CHST11: variants seen among roughly 807,000 people sequenced by gnomAD.
The protein encoded by CHST11 is carbohydrate sulfotransferase 11, also known as C4S-1.
CHST11 carries 9 observed loss-of-function variants against 30.4 expected under a neutral mutation model. The observed-to-expected ratio is 0.30, with a 90% confidence interval of 0.18 to 0.52. CHST11 has a LOEUF of 0.52. Ranked by LOEUF, CHST11 falls within the 20% of genes least tolerant of loss-of-function variation. The pLI is 0.97. For synonymous variants in CHST11, 152 were observed against 187.8 expected (o/e 0.81, Z 1.56); for missense variants, 348 against 460.6 (o/e 0.76, Z 2.24).
At chr12:104,734,369 G>T (rs1459597841) in intron 2 of CHST11, among the ~76,000 whole-genome samples, 1 of 152,156 alleles carries the variant, frequency 6.6e-6, no homozygotes, top group African/African-American at 2.4e-5. Flanking sequence ...CAGCAGTTCC[G>T]GGCCCTGTGT....
intron 2 of CHST11, among the ~76,000 whole-genome samples, chr12:104,700,292 TA>T (rs1244246098): frequency 6.6e-6 from 1 of 152,168 alleles, no homozygotes; most frequent in Non-Finnish European, 1.5e-5. Context: ...ATAAAATTTT[TA>T]AACTACCAAA....
At chr12:104,715,326 A>T (rs1461753876) in intron 2 of CHST11, among the ~76,000 whole-genome samples, 1 of 152,214 alleles carries the variant, frequency 6.6e-6, no homozygotes, top group Non-Finnish European at 1.5e-5. Context: ...GTGAGCCGAG[A>T]TCATGCCACG....
At chr12:104,748,101 C>T (rs993976215) in intron 2 of CHST11, among the ~76,000 whole-genome samples, 3 of 152,166 alleles carry the variant, frequency 2.0e-5, no homozygotes, top group African/African-American at 7.2e-5. Flanking sequence ...AATCAGCCCT[C>T]CTCTGACCTA....
At chr12:104,678,958 T>G (rs2039767814) in intron 2 of CHST11, among the ~76,000 whole-genome samples, 1 of 152,180 alleles carries the variant, frequency 6.6e-6, no homozygotes, top group Non-Finnish European at 1.5e-5. Context: ...TTTCTCCCGC[T>G]CTAGCTCACA....
At chr12:104,575,257 C>T (rs951013760) in intron 1 of CHST11, among the ~76,000 whole-genome samples, 4 of 151,722 alleles carry the variant, frequency 2.6e-5, no homozygotes, top group Admixed American at 2.6e-4. Context: ...CCCAGGGTGA[C>T]GGGGCTTTGT....
intron 2 of CHST11, among the ~76,000 whole-genome samples, chr12:104,618,666 G>T (rs181033782): frequency 6.6e-6 from 1 of 152,244 alleles, no homozygotes; most frequent in African/African-American, 2.4e-5. Flanking sequence ...CTTTTGCCCA[G>T]TGACTTTCTT....
intron 2 of CHST11, among the ~76,000 whole-genome samples, chr12:104,734,229 T>A (rs573619017): frequency 6.6e-6 from 1 of 152,362 alleles, no homozygotes; most frequent in African/African-American, 2.4e-5. Flanking sequence ...TTTTCTTATT[T>A]AAAAATTTTA....
At chr12:104,540,892 CT>C (rs1460775632) in intron 1 of CHST11, among the ~76,000 whole-genome samples, 1 of 152,254 alleles carries the variant, frequency 6.6e-6, no homozygotes, top group East Asian at 1.9e-4. Flanking sequence ...AGAAATGGAG[CT>C]TCCCCTCTAA....
intron 1 of CHST11, among the ~76,000 whole-genome samples, chr12:104,591,886 A>G (rs1157983255): frequency 6.6e-6 from 1 of 152,018 alleles, no homozygotes; most frequent in Non-Finnish European, 1.5e-5. Context: ...TCGGTTTTCT[A>G]TATATATTTG....
chr12:104,531,302 A>G (rs2038180802), intron 1 of CHST11, among the ~76,000 whole-genome samples: 1 of 152,064 alleles, frequency 6.6e-6, no homozygotes, highest in East Asian at 1.9e-4. Flanking sequence ...CAGCCTGGGC[A>G]ACATAGTGGG....
At chr12:104,475,915 CT>C (rs1366245742) in intron 1 of CHST11, among the ~76,000 whole-genome samples, 1 of 138,660 alleles carries the variant, frequency 7.2e-6, no homozygotes. Context: ...ATATATATGA[CT>C]TTTTTTTAGA....
chr12:104,457,408 A>G lies in CHST11; in HGVS notation c.-4A>G, dbSNP rs1372739220. 6.2e-7 allele frequency: 1 copy of G among 1,610,750 alleles called. No individual in the cohort carries two copies. The highest frequency in any genetic ancestry group is 8.5e-7 in the Non-Finnish European group (1 of 1,177,154). ...ACCCCGGTCCCCGCAGCCAGGACAA[A>G]GCCATGAAGCCAGCGCTGCTGGAAG... is the stretch of plus-strand genomic sequence containing the variant. On this transcript the variant is annotated 5_prime_UTR_variant, in exon 1 of 3. Coordinates refer to ENST00000303694, the MANE Select transcript of CHST11 (RefSeq NM_018413.6).
At chr12:104,511,290 T>C (rs2037963195) in intron 1 of CHST11, among the ~76,000 whole-genome samples, 1 of 152,204 alleles carries the variant, frequency 6.6e-6, no homozygotes, top group South Asian at 2.1e-4. Context: ...ACTTCCTTCT[T>C]TGCATTGCTC....
At chr12:104,486,352 C>T (rs1404128533) in intron 1 of CHST11, among the ~76,000 whole-genome samples, 1 of 151,494 alleles carries the variant, frequency 6.6e-6, no homozygotes, top group East Asian at 1.9e-4. Flanking sequence ...GACTAGAGGG[C>T]CGCTCTGTCG....
chr12:104,642,651 C>G (rs1409182838), intron 2 of CHST11, among the ~76,000 whole-genome samples: 1 of 152,048 alleles, frequency 6.6e-6, no homozygotes, highest in Non-Finnish European at 1.5e-5. Flanking sequence ...CCTCCTGCCT[C>G]AGCGTTCACA....
At chr12:104,752,339 G>T (rs2040438870) in intron 2 of CHST11, among the ~76,000 whole-genome samples, 1 of 152,076 alleles carries the variant, frequency 6.6e-6, no homozygotes, top group Non-Finnish European at 1.5e-5. Context: ...CCCTAATCCA[G>T]TATCATCTCA....
chr12:104,505,285 C>T (rs1184964100), intron 1 of CHST11, among the ~76,000 whole-genome samples: 1 of 152,098 alleles, frequency 6.6e-6, no homozygotes, highest in African/African-American at 2.4e-5. Context: ...TTGCTACTGG[C>T]ATCTGGTGGG....
At chr12:104,727,828 A>T (rs1480514576) in intron 2 of CHST11, among the ~76,000 whole-genome samples, 2 of 152,204 alleles carry the variant, frequency 1.3e-5, no homozygotes, top group Non-Finnish European at 2.9e-5. Flanking sequence ...TGGGAGGATA[A>T]GGAGACGGTT....
At chr12:104,578,749 G>A (rs2038709877) in intron 1 of CHST11, among the ~76,000 whole-genome samples, 1 of 152,210 alleles carries the variant, frequency 6.6e-6, no homozygotes, top group South Asian at 2.1e-4. Flanking sequence ...GGAGGCAAAA[G>A]CCAACAGTGT....
Sources: gnomAD v4.1 joint callset for allele counts (sites outside exome capture counted in the v4.1 genomes callset) on GRCh38, gnomAD v4.1.1 for gene constraint, MANE v1.5 for transcripts, NCBI Gene and HGNC (gene_info 2026-07-23, HGNC 2026-07-21) for gene names.